The following NRXN3 variants were observed in gnomAD, a reference collection of about 807,000 sequenced individuals.
NRXN3 encodes the protein neurexin 3.
Under a neutral mutation model 137.6 loss-of-function variants are expected in NRXN3, and 32 were observed. The ratio of observed to expected loss-of-function variants is 0.23; its 90% CI spans 0.18 to 0.31. NRXN3 has a LOEUF of 0.31. Among genes scored for constraint, NRXN3 ranks in the 10% least tolerant of loss-of-function variants. The pLI, the probability that NRXN3 is intolerant of heterozygous loss-of-function variation, is 1.00. For synonymous variants in NRXN3, 798 were observed against 784.5 expected, an observed-to-expected ratio of 1.02 and a Z score of -0.29; for missense variants, 1,574 against 2,062.5, an observed-to-expected ratio of 0.76 and a Z score of 4.59.
intron 10 of NRXN3, among the ~76,000 whole-genome samples, chr14:78,853,491 T>C (rs1386703467): frequency 6.6e-6 from 1 of 152,204 alleles, no homozygotes; most frequent in Non-Finnish European, 1.5e-5. Context: ...GTATTAAGCC[T>C]AGTACCCATT....
At chr14:78,952,987 A>G (rs1193392077) in intron 10 of NRXN3, among the ~76,000 whole-genome samples, 2 of 152,342 alleles carry the variant, frequency 1.3e-5, no homozygotes, top group East Asian at 3.9e-4. Context: ...TGGTTTGGCC[A>G]GGTCTTAGAA....
At chr14:79,227,151 A>G (rs897810832) in intron 15 of NRXN3, among the ~76,000 whole-genome samples, 7 of 151,654 alleles carry the variant, frequency 4.6e-5, no homozygotes, top group African/African-American at 1.5e-4. Flanking sequence ...ATATATATAT[A>G]TGTAATTTAT....
intron 1 of NRXN3, among the ~76,000 whole-genome samples, chr14:78,235,717 G>T (rs1460481963): frequency 1.3e-5 from 2 of 152,000 alleles, no homozygotes; most frequent in African/African-American, 4.8e-5. Context: ...GTGTCCATTT[G>T]TTAAGAACAG....
At chr14:78,916,277 A>T (rs1313294779) in intron 10 of NRXN3, among the ~76,000 whole-genome samples, 1 of 152,220 alleles carries the variant, frequency 6.6e-6, no homozygotes, top group Admixed American at 6.5e-5. Flanking sequence ...TAAAGGGGTT[A>T]TAATTGTACT....
chr14:79,078,824 G>A (rs1187751293), intron 15 of NRXN3, among the ~76,000 whole-genome samples: 2 of 151,872 alleles, frequency 1.3e-5, no homozygotes, highest in Non-Finnish European at 2.9e-5. Context: ...CCTCTCTTTG[G>A]GCCTCACTTG....
At chr14:78,589,154 C>T (rs2097093855) in intron 4 of NRXN3, among the ~76,000 whole-genome samples, 1 of 152,154 alleles carries the variant, frequency 6.6e-6, no homozygotes, top group Non-Finnish European at 1.5e-5. Context: ...CCAGGAGTCT[C>T]AGGCAGAGAC....
chr14:78,351,248 T>A (rs1241427174), intron 4 of NRXN3, among the ~76,000 whole-genome samples: 1 of 152,260 alleles, frequency 6.6e-6, no homozygotes, highest in Non-Finnish European at 1.5e-5. Flanking sequence ...ACTACATTCC[T>A]TTCTTCTAGT....
intron 1 of NRXN3, among the ~76,000 whole-genome samples, chr14:78,200,754 A>G (rs1458580798): frequency 1.3e-5 from 2 of 152,202 alleles, no homozygotes; most frequent in Non-Finnish European, 2.9e-5. Context: ...TGGTTCTCCA[A>G]TATCTCAGGC....
intron 15 of NRXN3, among the ~76,000 whole-genome samples, chr14:79,408,506 G>T (rs2095356070): frequency 6.6e-6 from 1 of 152,030 alleles, no homozygotes; most frequent in African/African-American, 2.4e-5. Flanking sequence ...ACACTGAAAA[G>T]GGAGGTAATG....
At chr14:78,917,381 T>G (rs166288) in intron 10 of NRXN3, among the ~76,000 whole-genome samples, 49,848 of 152,006 alleles carry the variant, frequency 0.33, 10,222 homozygotes, top group African/African-American at 0.58. Context: ...CCTTGGTGAT[T>G]AACTGATCTG....
intron 15 of NRXN3, among the ~76,000 whole-genome samples, chr14:79,159,088 A>C (rs1187503016): frequency 6.6e-6 from 1 of 151,866 alleles, no homozygotes; most frequent in African/African-American, 2.4e-5. Context: ...CTCTCATAAT[A>C]AGCAGGTGTT....
intron 15 of NRXN3, among the ~76,000 whole-genome samples, chr14:78,990,359 C>CTTT (rs778508663): frequency 9.6e-5 from 11 of 114,518 alleles, no homozygotes; most frequent in African/African-American, 4.3e-4. Flanking sequence ...AAGTTCACAT[C>CTTT]TATTTTTTTT....
chr14:78,519,036 G>A (rs551715526), intron 4 of NRXN3, among the ~76,000 whole-genome samples: 1 of 152,170 alleles, frequency 6.6e-6, no homozygotes, highest in African/African-American at 2.4e-5. Context: ...CTTTCAGATA[G>A]ACTCTAGTAT....
intron 8 of NRXN3, among the ~76,000 whole-genome samples, chr14:78,748,048 G>T (rs1201036013): frequency 1.3e-5 from 2 of 152,152 alleles, no homozygotes; most frequent in African/African-American, 2.4e-5. Flanking sequence ...CACATGAGGG[G>T]TATTATGTAT....
chr14:79,765,690 T>G (rs2099053498), intron 19 of NRXN3, among the ~76,000 whole-genome samples: 1 of 152,196 alleles, frequency 6.6e-6, no homozygotes, highest in African/African-American at 2.4e-5. Context: ...TAAATGGTAC[T>G]CATTCAATAT....
chr14:78,727,942 T>C (rs1484384605), intron 8 of NRXN3, among the ~76,000 whole-genome samples: 1 of 152,232 alleles, frequency 6.6e-6, no homozygotes, highest in Non-Finnish European at 1.5e-5. Context: ...AATCATTGAA[T>C]GCTACAGCTG....
intron 15 of NRXN3, among the ~76,000 whole-genome samples, chr14:79,139,768 T>G (rs2058616545): frequency 6.6e-6 from 1 of 151,990 alleles, no homozygotes; most frequent in African/African-American, 2.4e-5. Context: ...CTGACTCACC[T>G]TCAAAATCAA....
chr14:78,523,515 G>A (rs1190394414), intron 4 of NRXN3, among the ~76,000 whole-genome samples: 2 of 151,944 alleles, frequency 1.3e-5, no homozygotes, highest in Non-Finnish European at 2.9e-5. Flanking sequence ...ACAAGAGAGT[G>A]TAGGCCGGGT....
intron 4 of NRXN3, among the ~76,000 whole-genome samples, chr14:78,355,846 C>G (rs1212097474): frequency 6.6e-6 from 1 of 152,180 alleles, no homozygotes; most frequent in Non-Finnish European, 1.5e-5. Flanking sequence ...TTGAGGCATT[C>G]AGAGAATCAT....
Sources: gnomAD v4.1 joint callset for allele counts (sites outside exome capture counted in the v4.1 genomes callset) on GRCh38, gnomAD v4.1.1 for gene constraint, MANE v1.5 for transcripts, NCBI Gene and HGNC (gene_info 2026-07-23, HGNC 2026-07-21) for gene names.